The following ZFP90 variants were observed in gnomAD, a reference collection of about 807,000 sequenced individuals.
ZFP90 encodes ZFP90 zinc finger protein.
ZFP90 carries 38 observed loss-of-function variants against 60.8 expected under a neutral mutation model. That is an observed-to-expected ratio of 0.62 (90% CI 0.48 to 0.82). ZFP90 has a LOEUF of 0.82. ZFP90 is among the 40% of genes least tolerant of loss of function. ZFP90 has a pLI of 0.00. For synonymous variants in ZFP90, 287 were observed against 264.8 expected, an observed-to-expected ratio of 1.08 and a Z score of -0.82; for missense variants, 711 against 759.1, an observed-to-expected ratio of 0.94 and a Z score of 0.74.
At chr16:68,555,499 T>C (rs2091328664) in intron 2 of ZFP90, among the ~76,000 whole-genome samples, 1 of 152,156 alleles carries the variant, frequency 6.6e-6, no homozygotes, top group African/African-American at 2.4e-5. Context: ...TATTCAAATG[T>C]CATCCATCTC....
chr16:68,556,823 C>T (rs774896182), intron 2 of ZFP90, among the ~76,000 whole-genome samples: 1 of 152,134 alleles, frequency 6.6e-6, no homozygotes. Flanking sequence ...ACAGCCTTCC[C>T]GAGGAGGCCA....
chr16:68,565,365 C>T lies in ZFP90; in HGVS notation c.*667C>T. Reference sequence around the variant, plus strand: ...CTTTAAAATAAATTTTAAGATGTATCAGATACACAAACATTTAATGGGCAC... The same window carrying T: ...CTTTAAAATAAATTTTAAGATGTATTAGATACACAAACATTTAATGGGCAC... On this transcript the variant is annotated 3_prime_UTR_variant, in exon 5 of 5. Transcript: ENST00000563169. 1 of 985,572 alleles carries T rather than the reference C, an allele frequency of 1.0e-6. No individual in the cohort carries two copies. The highest frequency in any genetic ancestry group is 4.7e-5 in the South Asian group (1 of 21,288). The allele number at this position is 985,572 out of a possible 1,614,324, so 61.1% of individuals were successfully genotyped here. A position where few individuals can be genotyped will look rare whatever the true frequency, so the allele number is the denominator to read the frequency against.
chr16:68,552,893 C>G (rs926317176), intron 2 of ZFP90, among the ~76,000 whole-genome samples: 1 of 151,708 alleles, frequency 6.6e-6, no homozygotes, highest in Admixed American at 6.6e-5. Flanking sequence ...CCTATCTCTA[C>G]AAAAGTAAAA....
In ZFP90 at chr16:68,564,403, C is replaced by A. The variant is rs763615131; in HGVS notation, c.1616C>A (p.Ser539Ter). 2.5e-6 allele frequency: 4 copies of A among 1,613,754 alleles called. No homozygotes were observed. In the African/African-American group the frequency reaches 4.0e-5, roughly 16 times the overall value. Residue 539 changes from serine to a stop codon, truncating the protein, a stop_gained, in exon 5 of 5, where the codon TCG (serine) becomes TAG (stop). Coordinates refer to ENST00000563169, the MANE Select transcript of ZFP90 (RefSeq NM_001305203.2). LOFTEE classifies it high-confidence loss of function. The part of the protein sequence containing the change: ...ECGEAFSRRS[S>*]LTQHERTHTG... ...GGAGAAGCCTTTAGTCGACGCTCAT[C>A]GCTTACTCAACATGAGAGAACCCAC... is the stretch of plus-strand genomic sequence containing the variant.
chr16:68,539,881 C>T (rs1042754726), intron 2 of ZFP90, 56 bp downstream of exon 2: 1 of 1,582,470 alleles, frequency 6.3e-7, no homozygotes, highest in African/African-American at 1.3e-5. Flanking sequence ...CATCCCATCT[C>T]CCAAGGGTGT....
chr16:68,555,272 G>T (rs1314678352), intron 2 of ZFP90: 1 of 152,210 alleles, frequency 6.6e-6, no homozygotes, highest in Non-Finnish European at 1.5e-5. Flanking sequence ...TTTTTAGTCT[G>T]CCACAGTGTA....
At chr16:68,557,287 T>C in intron 2 of ZFP90, 1 of 455,988 alleles carries the variant, frequency 2.2e-6, no homozygotes, top group South Asian at 1.5e-5. Flanking sequence ...GTGTTAGGAT[T>C]ACAGGTGTGA....
At chr16:68,575,083 A>G (rs535561579) in intron 2 of ZFP90, among the ~76,000 whole-genome samples, 46 of 152,348 alleles carry the variant, frequency 3.0e-4, no homozygotes, top group Non-Finnish European at 5.4e-4. Flanking sequence ...GGTTTAGACA[A>G]CTTAGGACAA....
intron 4 of ZFP90, among the ~76,000 whole-genome samples, chr16:68,560,319 A>C (rs920256776): frequency 6.6e-6 from 1 of 152,140 alleles, no homozygotes; most frequent in Admixed American, 6.6e-5. Context: ...GGTAACCATT[A>C]ATCTAATTTC....
chr16:68,560,540 T>A (rs76736025), intron 4 of ZFP90, among the ~76,000 whole-genome samples: 46 of 35,722 alleles, frequency 1.3e-3, no homozygotes, highest in Middle Eastern at 0.015. Context: ...CACTGGATTT[T>A]ATTTATTTAT....
intron 2 of ZFP90, among the ~76,000 whole-genome samples, chr16:68,553,355 G>A (rs2091291063): frequency 6.6e-6 from 1 of 152,078 alleles, no homozygotes; most frequent in Non-Finnish European, 1.5e-5. Context: ...TGCAGGAAGA[G>A]GCTTTCAAGT....
rs745446119 is a variant in ZFP90, at chr16:68,558,101, A to G, written c.137A>G (p.Asn46Ser). The G allele has an allele frequency of 4.3e-6, 7 of 1,613,782 alleles. No homozygotes were observed. The highest frequency in any genetic ancestry group is 5.9e-6 in the Non-Finnish European group (7 of 1,179,884). Reference sequence around the variant, plus strand: ...TTATACAGGGATGTGATGCTGGAGAACTATAGCCACCTGGTTTCTCTTGGT... The same window carrying G: ...TTATACAGGGATGTGATGCTGGAGAGCTATAGCCACCTGGTTTCTCTTGGT... Reference protein sequence around the residue: ...RSLYRDVMLENYSHLVSLGYQ... With the variant: ...RSLYRDVMLESYSHLVSLGYQ... The change falls in exon 3 of 5, where the codon AAC becomes AGC. Residue 46 changes from asparagine (N) to serine (S), a missense_variant. Physicochemically the swap from Asn to Ser is conservative, Grantham distance 46. This residue lies in a region of ZFP90 where 241 missense variants were observed against 247.6 expected (regional missense o/e 0.97). Coordinates refer to ENST00000563169, the MANE Select transcript of ZFP90 (RefSeq NM_001305203.2).
chr16:68,541,346 G>GT (rs1391648640), intron 2 of ZFP90, among the ~76,000 whole-genome samples: 81 of 150,164 alleles, frequency 5.4e-4, no homozygotes, highest in African/African-American at 1.3e-3. Flanking sequence ...CCTAATTTTT[G>GT]TTTTTTTTTG....
In ZFP90 at chr16:68,546,115, C is replaced by T. The variant is rs142478035; in HGVS notation, c.33+6290C>T. Among the ~76,000 whole-genome samples, 806 of 152,290 alleles carry T rather than the reference C, an allele frequency of 5.3e-3. 3 individuals are homozygous for T. The highest frequency in any genetic ancestry group is 0.018 in the African/African-American group (734 of 41,572). On this transcript the variant is annotated intron_variant, in intron 2 of 4. Coordinates refer to ENST00000563169, the MANE Select transcript of ZFP90 (RefSeq NM_001305203.2). ...GCTTGAGCCCGGGAGGTGGAGGTTG[C>T]AGTGAGCTGAGATTGCACCATTGCA...
chr16:68,558,226 C>A, intron 3 of ZFP90, 102 bp downstream of exon 3: 2 of 1,531,754 alleles, frequency 1.3e-6, no homozygotes, highest in South Asian at 1.2e-5. Flanking sequence ...GACCAGGGTG[C>A]TCAGGGGTCA....
intron 1 of ZFP90, 29 bp downstream of exon 1, chr16:68,539,508 G>T: frequency 2.1e-6 from 1 of 479,006 alleles, no homozygotes; most frequent in Non-Finnish European, 3.7e-6. Context: ...GACCCCTCCT[G>T]GGTTTGGCGG....
At chr16:68,539,531 C>T (rs947968576) in intron 1 of ZFP90, 52 bp downstream of exon 1, 5 of 476,798 alleles carry the variant, frequency 1.0e-5, no homozygotes, top group South Asian at 7.4e-5. Flanking sequence ...GTCAGCCGGG[C>T]CTCGCCCACC....
intron 2 of ZFP90, among the ~76,000 whole-genome samples, chr16:68,551,821 T>G (rs1445532666): frequency 6.6e-6 from 1 of 152,070 alleles, no homozygotes; most frequent in Non-Finnish European, 1.5e-5. Context: ...TGCAGTGGCG[T>G]GATCTCGGCT....
chr16:68,558,683 G>GA lies in ZFP90; in HGVS notation c.256+117dup. On this transcript the variant is annotated intron_variant, in intron 4 of 4. Transcript: ENST00000563169. ...ATCTCCTAGATCTGCATAGGAGGCT[G>GA]AAGCCATCGCCTGGCCGACACCTTG... is the stretch of plus-strand genomic sequence containing the variant. The GA allele has an allele frequency of 4.6e-6, 4 of 871,416 alleles. No individual in the cohort carries two copies. In the South Asian group the frequency reaches 6.2e-5, roughly 14 times the overall value. 54.0% of individuals were successfully genotyped at this position (871,416 alleles called of 1,614,324 possible).
Sources: gnomAD v4.1 joint callset for allele counts (sites outside exome capture counted in the v4.1 genomes callset) on GRCh38, gnomAD v4.1.1 for gene constraint, gnomAD v4.1.1 regional missense constraint, MANE v1.5 for transcripts, NCBI Gene and HGNC (gene_info 2026-07-23, HGNC 2026-07-21) for gene names.